Variants in DENND2B observed in about 807,000 individuals in gnomAD.
DENND2B encodes DENN domain-containing protein 2B.
Under a neutral mutation model 116.0 loss-of-function variants are expected in DENND2B, and 32 were observed. The ratio of observed to expected loss-of-function variants is 0.28; its 90% CI spans 0.21 to 0.37. DENND2B has a LOEUF of 0.37. DENND2B is among the 10% of genes least tolerant of loss of function. The probability of loss-of-function intolerance (pLI) is 1.00; values close to 1 mark genes in which losing one functional copy is unlikely to be tolerated. For missense variants in DENND2B, 1,276 were observed against 1,477.7 expected, an observed-to-expected ratio of 0.86 and a Z score of 2.24; for synonymous variants, 588 against 583.9, an observed-to-expected ratio of 1.01 and a Z score of -0.10.
intron 1 of DENND2B, among the ~76,000 whole-genome samples, chr11:8,779,598 T>C (rs1194041435): frequency 6.6e-6 from 1 of 150,772 alleles, no homozygotes; most frequent in Non-Finnish European, 1.5e-5. Context: ...CCACAACCTC[T>C]TACCTCCCGG....
chr11:8,811,576 C>A (rs1566003089), upstream of DENND2B: 2 of 370,902 alleles, frequency 5.4e-6, no homozygotes, highest in Non-Finnish European at 4.8e-6. Context: ...TAGTCCCATC[C>A]CCATCCCCAT....
intron 1 of DENND2B, among the ~76,000 whole-genome samples, chr11:8,805,674 T>C (rs1385708205): frequency 6.6e-6 from 1 of 152,190 alleles, no homozygotes; most frequent in Non-Finnish European, 1.5e-5. Flanking sequence ...TCATTAACCC[T>C]ACCATCAAAA....
chr11:8,900,292 G>C (rs1323224588), intron 1 of DENND2B, among the ~76,000 whole-genome samples: 2 of 151,894 alleles, frequency 1.3e-5, no homozygotes, highest in Non-Finnish European at 2.9e-5. Context: ...AATTAGCTGG[G>C]TGTGGTGGTG....
At chr11:8,906,965 G>A (rs776252120) in intron 1 of DENND2B, among the ~76,000 whole-genome samples, 1 of 152,128 alleles carries the variant, frequency 6.6e-6, no homozygotes, top group Admixed American at 6.6e-5. Context: ...ACCCACTTTT[G>A]CATCCTGGGT....
At chr11:8,828,269 C>T (rs1450048728) in intron 4 of DENND2B, among the ~76,000 whole-genome samples, 1 of 152,182 alleles carries the variant, frequency 6.6e-6, no homozygotes, top group Non-Finnish European at 1.5e-5. Flanking sequence ...ACCTTGACTT[C>T]CTCTTCCAGA....
chr11:8,822,706 A>T (rs533056279), intron 4 of DENND2B, among the ~76,000 whole-genome samples: 92 of 152,258 alleles, frequency 6.0e-4, no homozygotes, highest in Non-Finnish European at 1.2e-3. Context: ...TCGGCATTCC[A>T]TTCACACTCA....
chr11:8,786,449 T>C (rs2058907807), intron 1 of DENND2B, among the ~76,000 whole-genome samples: 2 of 152,204 alleles, frequency 1.3e-5, no homozygotes, highest in South Asian at 4.1e-4. Flanking sequence ...TTAAATAACT[T>C]TGTCCTTTGA....
chr11:8,708,056 G>A (rs369545943), intron 11 of DENND2B: 455 of 1,496,904 alleles, frequency 3.0e-4, no homozygotes, highest in Non-Finnish European at 3.9e-4. Context: ...GCTCTGCAGG[G>A]TCTCCCAGCA....
chr11:8,801,305 G>A (rs568869513), intron 1 of DENND2B, among the ~76,000 whole-genome samples: 1 of 151,988 alleles, frequency 6.6e-6, no homozygotes, highest in African/African-American at 2.4e-5. Flanking sequence ...TGCTGATACC[G>A]TCTGCCCAAG....
At chr11:8,790,944 T>C (rs888102980) in intron 1 of DENND2B, among the ~76,000 whole-genome samples, 1 of 152,166 alleles carries the variant, frequency 6.6e-6, no homozygotes, top group Non-Finnish European at 1.5e-5. Context: ...CCTTTTAAAA[T>C]ACAGTTAGGT....
At chr11:8,706,089 AC>A (rs1484748048) in intron 13 of DENND2B, among the ~76,000 whole-genome samples, 2 of 152,056 alleles carry the variant, frequency 1.3e-5, no homozygotes, top group East Asian at 3.9e-4. Flanking sequence ...TATAGAAAAT[AC>A]AAAAGTCAGC....
At position 8,772,811 on chromosome 11, in the gene DENND2B, G is replaced by A. The variant is rs145493519; in HGVS notation, c.-25-22086C>T. ...CTGCCTGGGGGTGGCAGGCAGCTGG[G>A]ACAACAAACATCAAGCCTGCCTTTC... On this transcript the variant is annotated intron_variant, in intron 1 of 19. Coordinates refer to ENST00000313726, the MANE Select transcript of DENND2B (RefSeq NM_213618.2). Among the ~76,000 whole-genome samples the A allele has an allele frequency of 6.8e-4, 104 of 152,228 alleles. 2 individuals are homozygous for A. The East Asian group carries it at 0.019, about 28-fold the overall frequency.
At chr11:8,792,824 TGAG>T (rs1593770278) in intron 1 of DENND2B, among the ~76,000 whole-genome samples, 1 of 152,200 alleles carries the variant, frequency 6.6e-6, no homozygotes, top group East Asian at 1.9e-4. Context: ...ACCCTGCTGA[TGAG>T]AAGTACACTG....
upstream of DENND2B, among the ~76,000 whole-genome samples, chr11:8,813,082 C>G (rs1161185696): frequency 6.6e-6 from 1 of 152,162 alleles, no homozygotes; most frequent in Non-Finnish European, 1.5e-5. Flanking sequence ...CCACACCCAG[C>G]CTGATAGAAT....
chr11:8,861,676 T>C (rs1410213356), intron 2 of DENND2B, among the ~76,000 whole-genome samples: 1 of 152,200 alleles, frequency 6.6e-6, no homozygotes, highest in Non-Finnish European at 1.5e-5. Context: ...GCAATTGCAC[T>C]ACTGGGTATC....
intron 1 of DENND2B, among the ~76,000 whole-genome samples, chr11:8,897,823 T>C (rs2064121271): frequency 1.3e-5 from 2 of 152,168 alleles, no homozygotes; most frequent in Admixed American, 1.3e-4. Context: ...TCTCACATGG[T>C]TGCTCAGGCT....
intron 19 of DENND2B, 144 bp from the exon 20 acceptor site, chr11:8,694,274 G>C: frequency 3.2e-6 from 3 of 926,000 alleles, no homozygotes; most frequent in Non-Finnish European, 4.9e-6. Flanking sequence ...ATCCAGGGTA[G>C]TGAAAACACG....
chr11:8,879,716 C>G (rs529935047), intron 2 of DENND2B, among the ~76,000 whole-genome samples: 113 of 152,084 alleles, frequency 7.4e-4, no homozygotes, highest in Non-Finnish European at 1.4e-3. Flanking sequence ...ATGCAATGCT[C>G]TGGTCCAAGA....
chr11:8,743,549 CA>C (rs201300153), intron 2 of DENND2B, among the ~76,000 whole-genome samples: 83 of 148,410 alleles, frequency 5.6e-4, no homozygotes, highest in Middle Eastern at 3.4e-3. Context: ...GACCCTGTCT[CA>C]AAAAAAAAAA....
Sources: allele counts gnomAD v4.1 joint callset (sites outside exome capture counted in the v4.1 genomes callset), GRCh38; gene constraint gnomAD v4.1.1; transcripts MANE v1.5; gene names NCBI Gene and HGNC (gene_info 2026-07-23, HGNC 2026-07-21).